The following RASA3 variants were observed in gnomAD, a reference collection of about 807,000 sequenced individuals.
RASA3 encodes the protein RAS p21 protein activator 3.
Under a neutral mutation model 110.0 loss-of-function variants are expected in RASA3, and 73 were observed. That is an observed-to-expected ratio of 0.66 (90% confidence interval 0.55 to 0.81). RASA3 has a LOEUF of 0.81. Among genes scored for constraint, RASA3 ranks in the 30% least tolerant of loss-of-function variants. The probability of loss-of-function intolerance (pLI) is 0.00; values close to 1 mark genes in which losing one functional copy is unlikely to be tolerated. For missense variants in RASA3, 976 were observed against 1,113.2 expected, an observed-to-expected ratio of 0.88 and a Z score of 1.75; for synonymous variants, 500 against 451.4, an observed-to-expected ratio of 1.11 and a Z score of -1.37.
Position 114,065,241 on chromosome 13 carries a change from T to G in RASA3, c.173+8479A>C, listed in dbSNP as rs2079426386. 6.6e-6 allele frequency among the ~76,000 whole-genome samples: 1 copy of G among 152,202 alleles called. No individual in the cohort carries two copies. The highest frequency in any genetic ancestry group is 2.1e-4 in the South Asian group (1 of 4,834). On this transcript the variant is annotated intron_variant, in intron 2 of 23. Transcript: ENST00000334062. This position sits in a 1 kb window ranked among gnomAD's most constrained non-coding sequence, Gnocchi z 4.1. ...CCCAGCATCTGCGCAAGGCTGGCGCTGCCCCATCCCGCCTGCGGCTGCTCC... is the reference window on the plus strand; with the variant it reads ...CCCAGCATCTGCGCAAGGCTGGCGCGGCCCCATCCCGCCTGCGGCTGCTCC...
chr13:114,019,724 GC>G (rs1360826917), intron 9 of RASA3, among the ~76,000 whole-genome samples: 2 of 151,524 alleles, frequency 1.3e-5, no homozygotes, highest in African/African-American at 2.4e-5. Flanking sequence ...GGTGGGTGGA[GC>G]CTGTGTCTGA....
chr13:114,083,145 C>T (rs2139698791), intron 1 of RASA3, among the ~76,000 whole-genome samples: 1 of 152,364 alleles, frequency 6.6e-6, no homozygotes, highest in African/African-American at 2.4e-5. Context: ...GCGCTTCACT[C>T]ATTCATCAAT....
At chr13:114,060,696 G>A (rs1043890449) in intron 2 of RASA3, among the ~76,000 whole-genome samples, 13 of 152,206 alleles carry the variant, frequency 8.5e-5, no homozygotes, top group Admixed American at 3.9e-4. Context: ...CTGGAGCCGC[G>A]CACGCCCGGA....
chr13:113,991,306 T>C (rs934173528), intron 22 of RASA3, among the ~76,000 whole-genome samples: 5 of 151,098 alleles, frequency 3.3e-5, no homozygotes, highest in Non-Finnish European at 5.9e-5. Flanking sequence ...GGCAGCTGCA[T>C]GGACACTCAG....
intron 2 of RASA3, among the ~76,000 whole-genome samples, chr13:114,068,308 GC>G (rs1286644675): frequency 6.6e-6 from 1 of 152,272 alleles, no homozygotes; most frequent in Non-Finnish European, 1.5e-5. Context: ...GAACCCTGAG[GC>G]AGAGCCTCCC....
At chr13:114,058,805 G>T (rs371515936) in intron 2 of RASA3, among the ~76,000 whole-genome samples, 18 of 152,218 alleles carry the variant, frequency 1.2e-4, no homozygotes, top group African/African-American at 3.9e-4. Flanking sequence ...GCCCAGGAGT[G>T]CTCTGAAACT....
At chr13:114,082,633 G>A (rs1347460081) in intron 1 of RASA3, among the ~76,000 whole-genome samples, 1 of 152,186 alleles carries the variant, frequency 6.6e-6, no homozygotes, top group African/African-American at 2.4e-5. Context: ...TCCCGTCTGG[G>A]GGCAGCCCCA....
intron 1 of RASA3, among the ~76,000 whole-genome samples, chr13:114,109,675 A>T (rs902745797): frequency 2.6e-5 from 4 of 152,180 alleles, no homozygotes; most frequent in Non-Finnish European, 5.9e-5. Flanking sequence ...ACTTAAGCTC[A>T]TCCTCCTTCT....
intron 2 of RASA3, 71 bp downstream of exon 2, chr13:114,073,649 G>T: frequency 8.0e-7 from 1 of 1,243,232 alleles, no homozygotes; most frequent in Non-Finnish European, 1.2e-6. Context: ...GGAAGGTGAC[G>T]TACACCCTTG....
In RASA3 at chr13:114,013,259, G is replaced by C. The variant is rs1273468873; in HGVS notation, c.1406-11C>G. ...TGACGTCCGGGTCATCTGCGGGAGA[G>C]AGAAGCAGGGTGACCGTTTTCCTCG... On this transcript the variant is annotated splice_polypyrimidine_tract_variant and intron_variant, in intron 14 of 23. Transcript: ENST00000334062. The C allele has an allele frequency of 5.6e-6, 9 of 1,601,464 alleles. No homozygotes were observed. The highest frequency in any genetic ancestry group is 6.8e-6 in the Non-Finnish European group (8 of 1,172,508).
At chr13:114,101,968 G>A (rs957003942) in intron 1 of RASA3, among the ~76,000 whole-genome samples, 1 of 152,130 alleles carries the variant, frequency 6.6e-6, no homozygotes, top group Non-Finnish European at 1.5e-5. Context: ...TGGGGAGCGG[G>A]GGTCTCAGTT....
At chr13:114,007,405 C>A in intron 18 of RASA3, 128 bp downstream of exon 18, 1 of 194,986 alleles carries the variant, frequency 5.1e-6, no homozygotes, top group Non-Finnish European at 8.5e-6. Flanking sequence ...CCCTGCTGGA[C>A]GCCACCTTAC....
chr13:114,002,802 C>T (rs145215238), intron 18 of RASA3, among the ~76,000 whole-genome samples: 44 of 152,300 alleles, frequency 2.9e-4, no homozygotes, highest in Non-Finnish European at 1.8e-4. Context: ...CCGGGCCCAT[C>T]GCGCGTGTGG....
chr13:114,051,678 G>C (rs1306235315), intron 3 of RASA3, among the ~76,000 whole-genome samples: 1 of 151,606 alleles, frequency 6.6e-6, no homozygotes, highest in Non-Finnish European at 1.5e-5. Flanking sequence ...CTAAAGTTGG[G>C]ACAGGGACAG....
intron 1 of RASA3, among the ~76,000 whole-genome samples, chr13:114,088,607 G>A (rs1021308507): frequency 2.0e-5 from 3 of 151,300 alleles, no homozygotes; most frequent in Admixed American, 6.6e-5. Flanking sequence ...GCTGGAGTGC[G>A]ATGGTGCAAT....
intron 3 of RASA3, among the ~76,000 whole-genome samples, chr13:114,042,770 C>T (rs2054440817): frequency 6.6e-6 from 1 of 152,376 alleles, no homozygotes; most frequent in African/African-American, 2.4e-5. Context: ...CCAGCAGCCA[C>T]ATGCTTGGGC....
At chr13:114,015,172 A>C (rs2274719) in intron 14 of RASA3, 37 bp downstream of exon 14, 1,038,439 of 1,609,922 alleles carry the variant, frequency 0.65, 338,296 homozygotes, top group African/African-American at 0.88. Flanking sequence ...GCGCTATGGC[A>C]GTTTCTCAGC....
At chr13:114,013,615 C>T (rs1439170439) in intron 14 of RASA3, among the ~76,000 whole-genome samples, 2 of 92,854 alleles carry the variant, frequency 2.2e-5, no homozygotes, top group East Asian at 3.9e-4. Flanking sequence ...TCTCTCCCCC[C>T]CTCCATCTGT....
At chr13:114,027,770 CA>C (rs1317996390) in intron 6 of RASA3, 76 bp downstream of exon 6, 7 of 1,415,212 alleles carry the variant, frequency 4.9e-6, no homozygotes, top group Non-Finnish European at 6.0e-6. Flanking sequence ...CCAAATGAGG[CA>C]GTGGTCTCGT....
Sources: allele counts gnomAD v4.1 joint callset (sites outside exome capture counted in the v4.1 genomes callset), GRCh38; gene constraint gnomAD v4.1.1; non-coding constraint Gnocchi (gnomAD v3.1); transcripts MANE v1.5; gene names NCBI Gene and HGNC (gene_info 2026-07-23, HGNC 2026-07-21).